EYA3: variants seen among roughly 807,000 people sequenced by gnomAD.
EYA3 encodes EYA transcriptional coactivator and phosphatase 3.
EYA3 carries 39 observed loss-of-function variants against 80.0 expected under a neutral mutation model. That is an observed-to-expected ratio of 0.49 (90% CI 0.38 to 0.64). The LOEUF (loss-of-function observed/expected upper bound fraction) is 0.64, where lower values mean the gene tolerates loss of function less well. Among genes scored for constraint, EYA3 ranks in the 30% least tolerant of loss-of-function variants. The probability of loss-of-function intolerance (pLI) is 0.00; values close to 1 mark genes in which losing one functional copy is unlikely to be tolerated. For missense variants in EYA3, 523 were observed against 676.1 expected (o/e 0.77, Z 2.51); for synonymous variants, 206 against 232.8 (o/e 0.88, Z 1.05).
At chr1:28,026,622 A>G (rs996738972) in intron 7 of EYA3, among the ~76,000 whole-genome samples, 1 of 152,148 alleles carries the variant, frequency 6.6e-6, no homozygotes, top group African/African-American at 2.4e-5. Context: ...GTCACAAAAC[A>G]AAACAAAAAA....
chr1:28,000,080 C>T, intron 11 of EYA3, 31 bp from the exon 12 acceptor site: 1 of 1,512,262 alleles, frequency 6.6e-7, no homozygotes, highest in East Asian at 2.3e-5. Context: ...ATCAGCTTGA[C>T]TTGGTAGTCA....
intron 1 of EYA3, among the ~76,000 whole-genome samples, chr1:28,067,984 A>G (rs1644891892): frequency 6.6e-6 from 1 of 152,196 alleles, no homozygotes; most frequent in Non-Finnish European, 1.5e-5. Flanking sequence ...GGTGGAATCC[A>G]AAACTCTGAA....
At chr1:27,978,546 C>T in intron 16 of EYA3, 72 bp from the exon 17 acceptor site, 1 of 1,254,750 alleles carries the variant, frequency 8.0e-7, no homozygotes, top group South Asian at 1.2e-5. Context: ...AGGGCTGCTG[C>T]TAGGTTCACC....
chr1:28,065,317 G>T (rs776521053), intron 1 of EYA3, among the ~76,000 whole-genome samples: 7 of 152,066 alleles, frequency 4.6e-5, no homozygotes, highest in Admixed American at 1.3e-4. Context: ...CCTGTCACCA[G>T]GCTGGAGTGC....
At chr1:27,988,690 A>C in intron 15 of EYA3, 34 bp from the exon 16 acceptor site, 4 of 1,605,806 alleles carry the variant, frequency 2.5e-6, no homozygotes, top group Non-Finnish European at 3.4e-6. Flanking sequence ...GAAAAGGTGA[A>C]ACTAAACCAA....
chr1:28,003,273 C>T (rs1641019350), intron 11 of EYA3, among the ~76,000 whole-genome samples: 1 of 19,856 alleles, frequency 5.0e-5, no homozygotes, highest in Non-Finnish European at 1.2e-4. Context: ...CCGTCTCAAA[C>T]AACAACAACA....
chr1:28,042,913 C>A (rs940814624), intron 3 of EYA3, among the ~76,000 whole-genome samples: 5 of 152,042 alleles, frequency 3.3e-5, no homozygotes, highest in African/African-American at 1.2e-4. Flanking sequence ...GGCACGATCT[C>A]GGCTCACTGC....
intron 2 of EYA3, among the ~76,000 whole-genome samples, chr1:28,053,569 T>TA (rs1174332108): frequency 5.3e-5 from 8 of 152,004 alleles, no homozygotes; most frequent in African/African-American, 9.7e-5. Flanking sequence ...TCTTCACCTG[T>TA]AAAAAAGAAG....
intron 3 of EYA3, among the ~76,000 whole-genome samples, chr1:28,047,093 C>T (rs1268785941): frequency 6.6e-6 from 1 of 151,564 alleles, no homozygotes; most frequent in East Asian, 1.9e-4. Flanking sequence ...AAGCGATCTG[C>T]CCACCTGGAC....
intron 3 of EYA3, among the ~76,000 whole-genome samples, chr1:28,046,844 C>CT (rs35846889): frequency 0.91 from 131,373 of 144,998 alleles, 59,564 homozygotes; most frequent in East Asian, 1. Flanking sequence ...ATTTTTCTTT[C>CT]TTTTTTTTTT....
intron 2 of EYA3, among the ~76,000 whole-genome samples, chr1:28,053,008 A>T (rs1486580393): frequency 2.0e-5 from 3 of 151,224 alleles, no homozygotes; most frequent in Admixed American, 2.0e-4. Flanking sequence ...TTAAAAAACA[A>T]TTGGGTGTGG....
chr1:28,029,758 G>A (rs1643014764), intron 6 of EYA3, among the ~76,000 whole-genome samples: 1 of 151,952 alleles, frequency 6.6e-6, no homozygotes, highest in South Asian at 2.1e-4. Flanking sequence ...ACCATGCCTG[G>A]CTAATTTTGT....
chr1:28,050,864 T>C (rs1571899491), intron 2 of EYA3, among the ~76,000 whole-genome samples: 2 of 152,296 alleles, frequency 1.3e-5, no homozygotes, highest in Non-Finnish European at 2.9e-5. Context: ...CAATACAAGC[T>C]AGAAACTGAC....
intron 16 of EYA3, among the ~76,000 whole-genome samples, chr1:27,987,875 TTTTA>T (rs1323500576): frequency 3.3e-5 from 5 of 152,104 alleles, no homozygotes; most frequent in African/African-American, 1.2e-4. Context: ...ATACCTGTTA[TTTTA>T]TTTAAGACAT....
intron 1 of EYA3, among the ~76,000 whole-genome samples, chr1:28,067,890 T>C (rs187869535): frequency 4.0e-4 from 61 of 152,328 alleles, no homozygotes; most frequent in Non-Finnish European, 6.8e-4. Flanking sequence ...CACAGATCAT[T>C]AAATGTAATC....
At chr1:28,042,742 A>G (rs1004737312) in intron 3 of EYA3, 92 bp from the exon 4 acceptor site, 4 of 980,272 alleles carry the variant, frequency 4.1e-6, no homozygotes, top group African/African-American at 1.6e-5. Context: ...CCTAGGCTAT[A>G]TAAGTAAGAG....
intron 12 of EYA3, among the ~76,000 whole-genome samples, chr1:27,997,640 T>C (rs971448265): frequency 1.3e-5 from 2 of 152,192 alleles, no homozygotes; most frequent in African/African-American, 2.4e-5. Flanking sequence ...CAACAGCTCA[T>C]GGGAATAAGC....
At chr1:28,000,098 G>GTAGATTTGAA in intron 11 of EYA3, 49 bp from the exon 12 acceptor site, 2 of 1,350,246 alleles carry the variant, frequency 1.5e-6, no homozygotes, top group African/African-American at 2.9e-5. Flanking sequence ...TCACAGTCCT[G>GTAGATTTGAA]GTTCTAATCT....
chr1:27,997,055 T>G (rs1010222629), intron 13 of EYA3, among the ~76,000 whole-genome samples: 1 of 152,202 alleles, frequency 6.6e-6, no homozygotes, highest in Non-Finnish European at 1.5e-5. Flanking sequence ...GCTTTAATGC[T>G]ACTCCACTGA....
Sources: gnomAD v4.1 joint callset for allele counts (sites outside exome capture counted in the v4.1 genomes callset) on GRCh38, gnomAD v4.1.1 for gene constraint, MANE v1.5 for transcripts, NCBI Gene and HGNC (gene_info 2026-07-23, HGNC 2026-07-21) for gene names.